Variants in HGD observed in about 807,000 individuals in gnomAD.
The protein encoded by HGD is homogentisate oxidase.
A neutral mutation model predicts 60.8 loss-of-function variants in HGD; 61 were observed. The observed-to-expected ratio is 1.00, with a 90% confidence interval of 0.82 to 1.24. The LOEUF is 1.24. HGD is among the 50% of genes most tolerant of loss of function. HGD has a pLI of 0.00. For synonymous variants in HGD, 212 were observed against 187.7 expected (o/e 1.13, Z -1.06); for missense variants, 542 against 547.1 (o/e 0.99, Z 0.09).
At chr3:120,682,046 C>A (rs1249340620) in intron 1 of HGD, 51 bp downstream of exon 1, 1 of 1,582,078 alleles carries the variant, frequency 6.3e-7, no homozygotes, top group Non-Finnish European at 8.7e-7. Context: ...CAGAAACTTC[C>A]ATAAATTTTG....
intron 5 of HGD, 91 bp from the exon 6 acceptor site, chr3:120,650,956 T>A (rs1000791929): frequency 4.1e-6 from 4 of 964,380 alleles, no homozygotes; most frequent in Non-Finnish European, 6.8e-6. Flanking sequence ...ATGAGGCACA[T>A]TTCTACTAGG....
In HGD at chr3:120,670,550, C is replaced by T; in HGVS notation, c.177-18G>A. 7.7e-7 allele frequency: 1 copy of T among 1,295,952 alleles called. No individual in the cohort carries two copies. The highest frequency in any genetic ancestry group is 1.2e-5 in the South Asian group (1 of 84,746). The allele number at this position is 1,295,952 out of a possible 1,614,324, so 80.3% of individuals were successfully genotyped here. A position where few individuals can be genotyped will look rare whatever the true frequency, so the allele number is the denominator to read the frequency against. Reference sequence around the variant, plus strand: ...ACAGCCAGCTAGAGGGAAAAACATACAAGATATACAAGCCTTAGAGTAATG... The same window carrying T: ...ACAGCCAGCTAGAGGGAAAAACATATAAGATATACAAGCCTTAGAGTAATG... On this transcript the variant is annotated intron_variant, in intron 3 of 13. Transcript: ENST00000283871.
chr3:120,668,467 G>A (rs1576313407), intron 4 of HGD, among the ~76,000 whole-genome samples: 1 of 152,108 alleles, frequency 6.6e-6, no homozygotes, highest in East Asian at 1.9e-4. Context: ...AAAATGTCAT[G>A]GTAAACAAAG....
intron 4 of HGD, among the ~76,000 whole-genome samples, chr3:120,659,241 G>C (rs1941588129): frequency 6.6e-6 from 1 of 152,148 alleles, no homozygotes; most frequent in Non-Finnish European, 1.5e-5. Context: ...TTTAAATATA[G>C]GTTTAAATCT....
chr3:120,671,352 T>G (rs1708021336), intron 3 of HGD, among the ~76,000 whole-genome samples: 1 of 152,208 alleles, frequency 6.6e-6, no homozygotes, highest in South Asian at 2.1e-4. Flanking sequence ...TTATTATGAA[T>G]TAGAAAATAC....
At chr3:120,630,891 C>T (rs1232184985) in intron 13 of HGD, among the ~76,000 whole-genome samples, 5 of 139,358 alleles carry the variant, frequency 3.6e-5, no homozygotes, top group African/African-American at 1.4e-4. Context: ...TAATGGAATA[C>T]TATGCAGCCA....
intron 4 of HGD, among the ~76,000 whole-genome samples, chr3:120,660,670 C>CAA: frequency 2.0e-5 from 3 of 152,220 alleles, no homozygotes; most frequent in African/African-American, 7.2e-5. Flanking sequence ...ACTAAAAATA[C>CAA]AAAAATTAGC....
intron 13 of HGD, among the ~76,000 whole-genome samples, chr3:120,631,502 TAATA>T (rs1940590502): frequency 6.6e-6 from 1 of 152,118 alleles, no homozygotes; most frequent in Non-Finnish European, 1.5e-5. Flanking sequence ...TCCATAAAAA[TAATA>T]AATAATAAGT....
intron 3 of HGD, among the ~76,000 whole-genome samples, chr3:120,673,016 T>C (rs896838250): frequency 7.2e-5 from 11 of 152,148 alleles, no homozygotes; most frequent in African/African-American, 2.7e-4. Context: ...GTGGTGGCCC[T>C]GTATGCTATG....
intron 6 of HGD, among the ~76,000 whole-genome samples, chr3:120,649,738 G>T (rs2551614): frequency 6.6e-6 from 1 of 151,934 alleles, no homozygotes; most frequent in African/African-American, 2.4e-5. Context: ...GTGCAGTGGC[G>T]CTACAGGGAA....
chr3:120,630,217 T>G (rs1294662975), intron 13 of HGD, among the ~76,000 whole-genome samples: 1 of 152,174 alleles, frequency 6.6e-6, no homozygotes, highest in Non-Finnish European at 1.5e-5. Context: ...ATGTAAAGAT[T>G]CAACGCTGTT....
intron 4 of HGD, among the ~76,000 whole-genome samples, chr3:120,653,740 A>G (rs560797995): frequency 6.6e-6 from 1 of 152,352 alleles, no homozygotes; most frequent in South Asian, 2.1e-4. Flanking sequence ...GACTAATTTC[A>G]TTAAGGATGG....
rs762662465 is a variant in HGD at position 120,644,407 on chromosome 3, A to G, written c.686T>C (p.Ile229Thr). Reference protein sequence around the residue: ...NGLANPRDFLIPIAWYEDRQV... With the variant: ...NGLANPRDFLTPIAWYEDRQV... The stretch of plus-strand genomic sequence containing the variant: ...GCGATCCTCATACCAGGCAATGGGT[A>G]TCAAGAAATCACGAGGATTGGCCAA... The change falls in exon 10 of 14, where the codon ATA becomes ACA. Residue 229 changes from isoleucine to threonine, a missense_variant. Physicochemically the swap from Ile to Thr is moderately conservative, Grantham distance 89 (BLOSUM62 -1). This residue lies in a region of HGD where 537 missense variants were observed against 529.1 expected (regional missense o/e 1.01). Transcript: ENST00000283871. The G allele has an allele frequency of 1.2e-6, 2 of 1,614,058 alleles. No individual in the cohort carries two copies. Among genetic ancestry groups the G allele is most frequent in the East Asian group, 2.2e-5 (1 of 44,894 alleles).
Position 120,648,061 on chromosome 3 carries a change from T to C in HGD, c.435-150A>G, listed in dbSNP as rs1292598929. 3 of 714,558 alleles carry C rather than the reference T, an allele frequency of 4.2e-6. No individual in the cohort carries two copies. The East Asian group carries it at 7.5e-5, about 18-fold the overall frequency. The allele number at this position is 714,558 out of a possible 1,614,324, so 44.3% of individuals were successfully genotyped here. On this transcript the variant is annotated intron_variant, in intron 6 of 13. Transcript: ENST00000283871. Reference sequence around the variant, plus strand: ...CAAAATGACCCAGGCTCTGCCCTTGTGGAACTTAGAGTCTAGTGGGGAGTC... The same window carrying C: ...CAAAATGACCCAGGCTCTGCCCTTGCGGAACTTAGAGTCTAGTGGGGAGTC...
intron 4 of HGD, among the ~76,000 whole-genome samples, chr3:120,659,119 G>A (rs1465780208): frequency 1.3e-5 from 2 of 152,176 alleles, no homozygotes; most frequent in African/African-American, 4.8e-5. Flanking sequence ...GCAAATTTCT[G>A]CAGCCAGTTT....
chr3:120,641,606 C>T lies in HGD; in HGVS notation c.862G>A (p.Val288Met), dbSNP rs1559785461. 2.5e-6 allele frequency: 4 copies of T among 1,613,302 alleles called. No homozygotes were observed. Among genetic ancestry groups the T allele is most frequent in the East Asian group, 2.2e-5 (1 of 44,876 alleles). The change falls in exon 11 of 14, where the codon GTG (valine) becomes ATG (methionine). Residue 288 changes from valine (V) to methionine (M), a missense_variant. By Grantham distance (21) the Val-to-Met change is conservative. This residue lies in a region of HGD where 537 missense variants were observed against 529.1 expected (regional missense o/e 1.01). Transcript: ENST00000283871. ...AGACTTACTGCATGGTCAAAGGCCA[C>T]TGAGTTGATAACCATGAAATTCTTC... ...NLKNFMVINS[V>M]AFDHADPSIF...
chr3:120,639,592 G>A (rs771191179), intron 11 of HGD, among the ~76,000 whole-genome samples: 41 of 152,182 alleles, frequency 2.7e-4, no homozygotes, highest in Admixed American at 7.2e-4. Context: ...CTCAACCTCA[G>A]ATCAAGTTGA....
chr3:120,678,618 G>A (rs1421711638), intron 1 of HGD, among the ~76,000 whole-genome samples: 1 of 152,222 alleles, frequency 6.6e-6, no homozygotes, highest in South Asian at 2.1e-4. Flanking sequence ...AACAGCTGAT[G>A]GTTTGGAAGG....
At chr3:120,667,635 C>T (rs1417163166) in intron 4 of HGD, among the ~76,000 whole-genome samples, 1 of 152,070 alleles carries the variant, frequency 6.6e-6, no homozygotes, top group East Asian at 1.9e-4. Flanking sequence ...GTTGTCCACA[C>T]AACTATAAAC....
Sources: allele counts gnomAD v4.1 joint callset (sites outside exome capture counted in the v4.1 genomes callset), GRCh38; gene constraint gnomAD v4.1.1; regional missense constraint gnomAD v4.1.1; transcripts MANE v1.5; gene names NCBI Gene and HGNC (gene_info 2026-07-23, HGNC 2026-07-21).